Variants in CNBD1 observed in about 807,000 individuals in gnomAD.
CNBD1 encodes cyclic nucleotide binding domain containing 1, also known as cyclic nucleotide-binding domain-containing protein 1.
In CNBD1, 71 loss-of-function variants were observed where a neutral mutation model predicts 54.4. The observed-to-expected ratio is 1.30, with a 90% CI of 1.08 to 1.59. CNBD1 has a LOEUF of 1.59. Ranked by LOEUF, CNBD1 falls within the 40% of genes most tolerant of loss-of-function variation. The probability of loss-of-function intolerance (pLI) is 0.00; values close to 1 mark genes in which losing one functional copy is unlikely to be tolerated. For synonymous variants in CNBD1, 182 were observed against 170.7 expected, an observed-to-expected ratio of 1.07 and a Z score of -0.51; for missense variants, 659 against 518.0, an observed-to-expected ratio of 1.27 and a Z score of -2.64.
intron 3 of CNBD1, among the ~76,000 whole-genome samples, chr8:86,939,341 A>G (rs989094957): frequency 2.0e-5 from 3 of 152,198 alleles, no homozygotes; most frequent in Non-Finnish European, 4.4e-5. Flanking sequence ...ATTGCTCAGG[A>G]CAGTTATAAT....
chr8:87,353,088 AGGTCTCT>A (rs1253124308), intron 9 of CNBD1, among the ~76,000 whole-genome samples: 1 of 152,190 alleles, frequency 6.6e-6, no homozygotes, highest in Non-Finnish European at 1.5e-5. Flanking sequence ...CTTCTCCACA[AGGTCTCT>A]TATTTGAACC....
chr8:87,122,044 C>G (rs1811901435), intron 4 of CNBD1, among the ~76,000 whole-genome samples: 1 of 151,566 alleles, frequency 6.6e-6, no homozygotes, highest in Non-Finnish European at 1.5e-5. Flanking sequence ...GCTGGTATCT[C>G]TTTAATGTAT....
intron 4 of CNBD1, among the ~76,000 whole-genome samples, chr8:86,940,855 CA>C (rs1222126640): frequency 1.3e-5 from 2 of 152,044 alleles, no homozygotes; most frequent in African/African-American, 4.8e-5. Flanking sequence ...TGTTTAGATA[CA>C]AAAATACCAT....
intron 10 of CNBD1, among the ~76,000 whole-genome samples, chr8:87,360,834 T>TA (rs1810510750): frequency 6.6e-6 from 1 of 152,034 alleles, no homozygotes; most frequent in African/African-American, 2.4e-5. Flanking sequence ...TGCTTGTTTT[T>TA]AAAAAGGAAG....
intron 2 of CNBD1, among the ~76,000 whole-genome samples, chr8:87,400,942 A>G (rs1417487850): frequency 1.3e-5 from 2 of 151,988 alleles, no homozygotes; most frequent in Non-Finnish European, 2.9e-5. Context: ...TGTTTCTTAA[A>G]AACATCTCTA....
At chr8:87,248,139 A>G (rs1367946543) in intron 6 of CNBD1, among the ~76,000 whole-genome samples, 1 of 152,226 alleles carries the variant, frequency 6.6e-6, no homozygotes, top group African/African-American at 2.4e-5. Context: ...AAAATATATC[A>G]CACAAAACCA....
intron 4 of CNBD1, among the ~76,000 whole-genome samples, chr8:87,145,784 C>T (rs545533051): frequency 1.3e-4 from 20 of 152,058 alleles, no homozygotes; most frequent in Admixed American, 7.2e-4. Context: ...TCTGGGTTGT[C>T]GACCTTTGGG....
intron 5 of CNBD1, among the ~76,000 whole-genome samples, chr8:87,224,156 G>A (rs1213864982): frequency 4.6e-5 from 7 of 151,944 alleles, no homozygotes; most frequent in Admixed American, 4.6e-4. Context: ...TTTGTCAGAT[G>A]GGTAGGTTGC....
rs113981169 is a variant in CNBD1 at position 87,365,815 on chromosome 8, A to C, written c.1303+12029A>C. Among the ~76,000 whole-genome samples, 1,156 of 152,202 alleles carry C rather than the reference A, an allele frequency of 7.6e-3. 7 individuals carry two copies. Among genetic ancestry groups the C allele is most frequent in the Middle Eastern group, 0.014 (4 of 294 alleles). On this transcript the variant is annotated intron_variant, in intron 10 of 10. Transcript: ENST00000518476. ...GCAATTATTAGATTTCCAATAAATA[A>C]CTGGTTTATTGAATAATTACAACTC...
intron 4 of CNBD1, among the ~76,000 whole-genome samples, chr8:87,117,529 C>T (rs1811800278): frequency 6.6e-6 from 1 of 152,154 alleles, no homozygotes; most frequent in South Asian, 2.1e-4. Context: ...AGAGCAGCCT[C>T]ACTCTAGGGA....
rs184389159 is a variant in CNBD1 at position 87,396,965 on chromosome 8, T to C, written c.214-31581T>C. ...ATGTAATTCATGGATTAATCCCTCC[T>C]TCAATGAATCACGTATAACTAATTT... On this transcript the variant is annotated intron_variant, in intron 2 of 7. Transcript: ENST00000521593. Among the ~76,000 whole-genome samples the C allele has an allele frequency of 3.2e-3, 487 of 151,266 alleles. 7 individuals carry two copies. In the Middle Eastern group the frequency reaches 0.034, roughly 11 times the overall value.
chr8:87,178,075 G>A (rs1396599134), intron 4 of CNBD1, among the ~76,000 whole-genome samples: 1 of 152,168 alleles, frequency 6.6e-6, no homozygotes, highest in Non-Finnish European at 1.5e-5. Flanking sequence ...TAAGAAAAAA[G>A]GTGAAATAAT....
At chr8:87,233,036 G>A (rs900992890) in intron 5 of CNBD1, among the ~76,000 whole-genome samples, 19 of 151,992 alleles carry the variant, frequency 1.3e-4, no homozygotes, top group African/African-American at 4.6e-4. Context: ...GTTTGCATTG[G>A]TAAAATTTGG....
chr8:87,421,748 T>C (rs1807943486), intron 2 of CNBD1, among the ~76,000 whole-genome samples: 2 of 148,810 alleles, frequency 1.3e-5, no homozygotes, highest in South Asian at 4.3e-4. Context: ...TGTGCATGTG[T>C]CTTTATAGCA....
chr8:87,177,493 A>G (rs947418425), intron 4 of CNBD1, among the ~76,000 whole-genome samples: 2 of 152,222 alleles, frequency 1.3e-5, no homozygotes, highest in East Asian at 3.8e-4. Flanking sequence ...GCACAATTGC[A>G]TAGTTCTAAA....
At chr8:86,917,918 C>A (rs956036809) in intron 3 of CNBD1, among the ~76,000 whole-genome samples, 7 of 152,152 alleles carry the variant, frequency 4.6e-5, no homozygotes, top group Non-Finnish European at 1.0e-4. Context: ...ATTAGTGAGA[C>A]TGAGATACCA....
chr8:87,145,524 A>G (rs1812465624), intron 4 of CNBD1, among the ~76,000 whole-genome samples: 1 of 152,206 alleles, frequency 6.6e-6, no homozygotes, highest in Non-Finnish European at 1.5e-5. Flanking sequence ...TAATGTAAAT[A>G]AAATACTGTT....
At chr8:87,092,719 G>A (rs1223995651) in intron 4 of CNBD1, among the ~76,000 whole-genome samples, 2 of 151,738 alleles carry the variant, frequency 1.3e-5, no homozygotes, top group Non-Finnish European at 2.9e-5. Context: ...ATTCTCTTCA[G>A]TTTTTGCTAG....
At chr8:87,328,720 G>T (rs893367476) in intron 8 of CNBD1, among the ~76,000 whole-genome samples, 1 of 152,084 alleles carries the variant, frequency 6.6e-6, no homozygotes, top group African/African-American at 2.4e-5. Flanking sequence ...ACAAGACTAA[G>T]TCTTCTACTT....
Sources: gnomAD v4.1 joint callset for allele counts (sites outside exome capture counted in the v4.1 genomes callset) on GRCh38, gnomAD v4.1.1 for gene constraint, MANE v1.5 for transcripts, NCBI Gene and HGNC (gene_info 2026-07-23, HGNC 2026-07-21) for gene names.